Variants in HNRNPLL observed in about 807,000 individuals in gnomAD.
HNRNPLL encodes the protein heterogeneous nuclear ribonucleoprotein L-like.
A neutral mutation model predicts 67.1 loss-of-function variants in HNRNPLL; 25 were observed. That is an observed-to-expected ratio of 0.37 (90% CI 0.27 to 0.52). The LOEUF is 0.52. Among genes scored for constraint, HNRNPLL ranks in the 20% least tolerant of loss-of-function variants. The pLI, the probability that HNRNPLL is intolerant of heterozygous loss-of-function variation, is 0.90. For missense variants in HNRNPLL, 542 were observed against 673.9 expected, an observed-to-expected ratio of 0.80 and a Z score of 2.17; for synonymous variants, 267 against 241.7, an observed-to-expected ratio of 1.10 and a Z score of -0.97.
Position 38,591,627 on chromosome 2 carries a change from T to G in HNRNPLL, c.211A>C (p.Lys71Gln). 1 of 1,612,098 alleles carries G rather than the reference T, an allele frequency of 6.2e-7. No homozygotes were observed. The highest frequency in any genetic ancestry group is 1.3e-5 in the African/African-American group (1 of 75,008). ...TGGACGACGGGTGAAACAGAAACTTTATGATGACTTCCACCTGCCTCCTAG... is the reference window on the plus strand; with the variant it reads ...TGGACGACGGGTGAAACAGAAACTTGATGATGACTTCCACCTGCCTCCTAG... ...SQPEAGGSHH[K>Q]VSVSPVVHVR... Residue 71 changes from lysine to glutamine, a missense_variant, in exon 2 of 13, where the codon AAA (lysine) becomes CAA (glutamine). By Grantham distance (53) the Lys-to-Gln change is moderately conservative (BLOSUM62 1). Around this residue, in one of 2 missense-constraint regions of HNRNPLL, gnomAD observed 127 missense variants for 98.7 expected, o/e 1.29. Transcript: ENST00000449105.
chr2:38,581,747 A>C, intron 6 of HNRNPLL, 166 bp downstream of exon 6: 1 of 627,700 alleles, frequency 1.6e-6, no homozygotes, highest in Non-Finnish European at 2.8e-6. Flanking sequence ...AGGGGGCACT[A>C]ATGTTCAAGG....
At chr2:38,577,960 AG>A (rs1340702411) in intron 6 of HNRNPLL, 3 of 471,210 alleles carry the variant, frequency 6.4e-6, no homozygotes, top group African/African-American at 2.0e-5. Flanking sequence ...ACATTTTCAA[AG>A]TGGGCTTCTT....
chr2:38,583,098 A>C (rs950862365), intron 4 of HNRNPLL, among the ~76,000 whole-genome samples: 1 of 152,164 alleles, frequency 6.6e-6, no homozygotes, highest in Admixed American at 6.5e-5. Context: ...CAAAACAAAT[A>C]CATGATTTTT....
At chr2:38,588,640 T>A (rs908380725) in intron 2 of HNRNPLL, among the ~76,000 whole-genome samples, 2 of 148,788 alleles carry the variant, frequency 1.3e-5, no homozygotes, top group Admixed American at 6.7e-5. Flanking sequence ...AAAGAAAAAA[T>A]TAAAATGTTT....
chr2:38,577,327 T>TA lies in HNRNPLL; in HGVS notation c.874+133dup, dbSNP rs546502140. 117 of 597,912 alleles carry TA rather than the reference T, an allele frequency of 2.0e-4. No homozygotes were observed. In the East Asian group the frequency reaches 3.2e-3, roughly 16 times the overall value. The allele number at this position is 597,912 out of a possible 1,614,324, so 37.0% of individuals were successfully genotyped here. A position where few individuals can be genotyped will look rare whatever the true frequency, so the allele number is the denominator to read the frequency against. On this transcript the variant is annotated intron_variant, in intron 7 of 12. Coordinates refer to ENST00000449105, the MANE Select transcript of HNRNPLL (RefSeq NM_138394.4). ...TTTTGGACAACTCCTGGGAGTACAT[T>TA]ACAAGGGACTGATCCCATATAAACC...
chr2:38,582,044 T>C lies in HNRNPLL; in HGVS notation c.729+28A>G, dbSNP rs1021609319. 2.5e-6 allele frequency: 4 copies of C among 1,602,076 alleles called. No individual in the cohort carries two copies. In the African/African-American group the frequency reaches 5.4e-5, roughly 21 times the overall value. ...GCATATCCAAAGCATAAATATTTCTTGGGTAGGGTGTTGAAAAAAATATTT... is the reference window on the plus strand; with the variant it reads ...GCATATCCAAAGCATAAATATTTCTCGGGTAGGGTGTTGAAAAAAATATTT... On this transcript the variant is annotated intron_variant, in intron 5 of 12. Coordinates refer to ENST00000449105, the MANE Select transcript of HNRNPLL (RefSeq NM_138394.4).
intron 1 of HNRNPLL, 115 bp downstream of exon 1, chr2:38,602,323 A>T (rs1667475501): frequency 2.0e-6 from 2 of 1,006,000 alleles, no homozygotes; most frequent in Admixed American, 2.8e-5. Context: ...GCGCTTCCCC[A>T]AACGGGTCGG....
chr2:38,578,334 T>C (rs1408752911), intron 6 of HNRNPLL, among the ~76,000 whole-genome samples: 1 of 152,084 alleles, frequency 6.6e-6, no homozygotes, highest in Non-Finnish European at 1.5e-5. Context: ...AAAAATTATT[T>C]ATAAGTTTCT....
intron 2 of HNRNPLL, among the ~76,000 whole-genome samples, 168 bp downstream of exon 2, chr2:38,591,362 G>T (rs1218300916): frequency 1.3e-5 from 2 of 152,180 alleles, no homozygotes; most frequent in Non-Finnish European, 2.9e-5. Flanking sequence ...GTTAAAAATA[G>T]TAGGCTTAAA....
rs1384680310 is a variant in HNRNPLL at position 38,583,884 on chromosome 2, G to A, written c.589C>T (p.Arg197Cys). Residue 197 changes from arginine (R) to cysteine (C), a missense_variant, in exon 4 of 13, where the codon CGT (arginine) becomes TGT (cysteine). By Grantham distance (180) the Arg-to-Cys change is radical. Transcript: ENST00000449105. ...TVCNPVGKVQ[R>C]IVIFKRNGIQ... ...CCATTTCTCTTGAATATAACAATACGTTGCACTTTGCCAACAGGGTTGCAT... is the reference window on the plus strand; with the variant it reads ...CCATTTCTCTTGAATATAACAATACATTGCACTTTGCCAACAGGGTTGCAT... 1 of 1,572,948 alleles carries A rather than the reference G, an allele frequency of 6.4e-7. No homozygotes were observed. The highest frequency in any genetic ancestry group is 1.7e-5 in the Admixed American group (1 of 57,938).
Position 38,573,381 on chromosome 2 carries a change from G to C in HNRNPLL, c.921C>G (p.Gly307=), listed in dbSNP as rs369513689. The C allele has an allele frequency of 3.2e-5, 52 of 1,611,902 alleles. No homozygotes were observed. The highest frequency in any genetic ancestry group is 1.3e-4 in the Admixed American group (8 of 59,622). The change falls in exon 8 of 13, where the codon GGC becomes GGG. Residue 307 remains glycine (G), a synonymous_variant. Coordinates refer to ENST00000449105, the MANE Select transcript of HNRNPLL (RefSeq NM_138394.4). ...LLPLPSRYRM[G]SRDTPELVAY... ...CAACAAGTTCAGGTGTATCTCGAGA[G>C]CCCATTCTGTAACGACTTGGTAAAG... is the stretch of plus-strand genomic sequence containing the variant.
Position 38,602,809 on chromosome 2 carries a change from G to T in HNRNPLL, c.-183C>A. The T allele has an allele frequency of 1.3e-6, 2 of 1,544,988 alleles. No individual in the cohort carries two copies. The highest frequency in any genetic ancestry group is 1.7e-6 in the Non-Finnish European group (2 of 1,144,750). On this transcript the variant is annotated 5_prime_UTR_variant, in exon 1 of 13. Transcript: ENST00000449105. Reference sequence around the variant, plus strand: ...GGCTGAGAAGCGCGGACGGACTGAGGGGGGCGCCCCGGGAGGAAGCTCTGG... The same window carrying T: ...GGCTGAGAAGCGCGGACGGACTGAGTGGGGCGCCCCGGGAGGAAGCTCTGG...
intron 10 of HNRNPLL, 68 bp from the exon 11 acceptor site, chr2:38,568,511 A>C: frequency 9.9e-7 from 1 of 1,009,240 alleles, no homozygotes; most frequent in South Asian, 1.5e-5. Flanking sequence ...TACAGAAAGT[A>C]AACTTTATGG....
intron 4 of HNRNPLL, 127 bp from the exon 5 acceptor site, chr2:38,582,295 G>T: frequency 1.4e-6 from 1 of 719,252 alleles, no homozygotes; most frequent in Non-Finnish European, 2.4e-6. Context: ...CCAATTTCAG[G>T]ATGAATTTTA....
At chr2:38,579,740 T>C (rs1666447388) in intron 6 of HNRNPLL, among the ~76,000 whole-genome samples, 1 of 138,456 alleles carries the variant, frequency 7.2e-6, no homozygotes, top group African/African-American at 3.0e-5. Context: ...AAAAAGTTTT[T>C]ATTTTTTTTG....
chr2:38,592,240 T>C (rs181626701), intron 1 of HNRNPLL, among the ~76,000 whole-genome samples: 13 of 152,300 alleles, frequency 8.5e-5, no homozygotes, highest in Admixed American at 3.9e-4. Context: ...AGCAGATACA[T>C]AGGGCATGCT....
intron 1 of HNRNPLL, among the ~76,000 whole-genome samples, chr2:38,598,874 G>A (rs558028974): frequency 3.9e-5 from 6 of 152,272 alleles, no homozygotes; most frequent in African/African-American, 1.4e-4. Context: ...GAACAGCTTC[G>A]CTGGAGGAGA....
intron 6 of HNRNPLL, among the ~76,000 whole-genome samples, chr2:38,580,576 A>G (rs779889293): frequency 9.2e-5 from 14 of 152,190 alleles, no homozygotes; most frequent in Admixed American, 3.9e-4. Flanking sequence ...TTTTACAGAC[A>G]TACTCATCTT....
chr2:38,596,420 G>A (rs1346770764), intron 1 of HNRNPLL, among the ~76,000 whole-genome samples: 4 of 151,874 alleles, frequency 2.6e-5, no homozygotes, highest in Non-Finnish European at 5.9e-5. Flanking sequence ...CACCACACCT[G>A]GCTGATTTTT....
Sources: gnomAD v4.1 joint callset for allele counts (sites outside exome capture counted in the v4.1 genomes callset) on GRCh38, gnomAD v4.1.1 for gene constraint, gnomAD v4.1.1 regional missense constraint, MANE v1.5 for transcripts, NCBI Gene and HGNC (gene_info 2026-07-23, HGNC 2026-07-21) for gene names.